Variants in ZNF516 observed in about 807,000 individuals in gnomAD.
The protein encoded by ZNF516 is zinc finger protein 516.
ZNF516 carries 19 observed loss-of-function variants against 79.7 expected under a neutral mutation model. The ratio of observed to expected loss-of-function variants is 0.24; its 90% confidence interval spans 0.17 to 0.35. The LOEUF is 0.35. ZNF516 is among the 10% of genes least tolerant of loss of function. ZNF516 has a pLI of 1.00. For synonymous variants in ZNF516, 877 were observed against 739.5 expected (o/e 1.19, Z -3.02); for missense variants, 1,678 against 1,679.5 (o/e 1.00, Z 0.02).
intron 6 of ZNF516, among the ~76,000 whole-genome samples, chr18:76,367,291 T>C (rs932973736): frequency 6.6e-6 from 1 of 152,062 alleles, no homozygotes; most frequent in African/African-American, 2.4e-5. Context: ...CCACCTTATC[T>C]CTCGCTGGGA....
intron 3 of ZNF516, among the ~76,000 whole-genome samples, chr18:76,425,553 C>T (rs972990334): frequency 5.3e-5 from 8 of 152,202 alleles, no homozygotes; most frequent in African/African-American, 1.7e-4. Context: ...AGATCACATG[C>T]CACTGACAGG....
chr18:76,419,384 C>G (rs552864943), intron 3 of ZNF516, among the ~76,000 whole-genome samples: 3 of 152,222 alleles, frequency 2.0e-5, no homozygotes, highest in Non-Finnish European at 4.4e-5. Flanking sequence ...ACCAAAATAT[C>G]GTTACCTATG....
chr18:76,451,416 C>T lies in ZNF516; in HGVS notation c.-157-8205G>A, dbSNP rs1326407549. On this transcript the variant is annotated intron_variant, in intron 2 of 6. Coordinates refer to ENST00000443185, the MANE Select transcript of ZNF516 (RefSeq NM_014643.4). This position sits in a 1 kb window ranked among gnomAD's most constrained non-coding sequence, Gnocchi z 6.0. The stretch of plus-strand genomic sequence containing the variant: ...CTGACAGGGCATTCCTCAGGAGGGG[C>T]TGGAGTGAACGGGAGGAATTGGGGA... Among the ~76,000 whole-genome samples, 2 of 152,134 alleles carry T rather than the reference C, an allele frequency of 1.3e-5. No individual in the cohort carries two copies. The highest frequency in any genetic ancestry group is 2.9e-5 in the Non-Finnish European group (2 of 68,028).
chr18:76,464,978 C>T (rs1033062223), intron 1 of ZNF516, among the ~76,000 whole-genome samples: 8 of 152,166 alleles, frequency 5.3e-5, no homozygotes, highest in South Asian at 2.1e-4. Context: ...GCCGTGCATC[C>T]GATGAGGGCA....
At chr18:76,489,539 C>A (rs1205569463) in intron 1 of ZNF516, among the ~76,000 whole-genome samples, 2 of 150,602 alleles carry the variant, frequency 1.3e-5, no homozygotes, top group African/African-American at 4.9e-5. Context: ...TTTCAAAGAC[C>A]TCTCTCATTC....
Position 76,480,531 on chromosome 18 carries a change from T to A in ZNF516, c.-272+14613A>T, listed in dbSNP as rs796873141. 1.9e-3 allele frequency among the ~76,000 whole-genome samples: 99 copies of A among 52,872 alleles called. 1 individual carries two copies. The highest frequency in any genetic ancestry group is 2.9e-3 in the Admixed American group (17 of 5,828). The allele number at this position is 52,872 out of a possible 152,430, so 34.7% of individuals were successfully genotyped here. On this transcript the variant is annotated intron_variant, in intron 1 of 6. Transcript: ENST00000443185. ...CACACACACACACACACACATATAT[T>A]TTTTTTTTTGAGACGGAGTCTTGCT...
At chr18:76,371,861 G>A (rs1467467703) in intron 4 of ZNF516, among the ~76,000 whole-genome samples, 1 of 152,220 alleles carries the variant, frequency 6.6e-6, no homozygotes, top group Admixed American at 6.5e-5. Flanking sequence ...GCAGCTCCGA[G>A]CAACTGCAGG....
intron 2 of ZNF516, among the ~76,000 whole-genome samples, chr18:76,447,552 G>C (rs1374060940): frequency 1.3e-5 from 2 of 152,206 alleles, no homozygotes; most frequent in Non-Finnish European, 2.9e-5. Flanking sequence ...TAAAACTTGT[G>C]CATGTGAGCC....
chr18:76,487,208 A>G (rs984081979), intron 1 of ZNF516, among the ~76,000 whole-genome samples: 2 of 152,208 alleles, frequency 1.3e-5, no homozygotes. Context: ...ATCGGAAAAC[A>G]TCTCAGGCTA....
At chr18:76,483,046 TAAGAA>T (rs756286401) in intron 1 of ZNF516, among the ~76,000 whole-genome samples, 3 of 152,180 alleles carry the variant, frequency 2.0e-5, no homozygotes, top group Non-Finnish European at 4.4e-5. Context: ...TTTTTCCTCT[TAAGAA>T]AAGAAATCTA....
intron 6 of ZNF516, among the ~76,000 whole-genome samples, chr18:76,365,417 A>C (rs1376138361): frequency 6.6e-6 from 1 of 152,080 alleles, no homozygotes. Context: ...ACAATGCAAC[A>C]AAAAAAATCA....
At chr18:76,407,439 G>T (rs926773062) in intron 3 of ZNF516, among the ~76,000 whole-genome samples, 3 of 152,066 alleles carry the variant, frequency 2.0e-5, no homozygotes, top group Non-Finnish European at 4.4e-5. Flanking sequence ...GAAGAGGGGG[G>T]GAGTGGAGAG....
chr18:76,414,434 A>ATGCCCTC (rs2075408373), intron 3 of ZNF516, among the ~76,000 whole-genome samples: 1 of 152,250 alleles, frequency 6.6e-6, no homozygotes, highest in Non-Finnish European at 1.5e-5. Flanking sequence ...CACAGAACAA[A>ATGCCCTC]TGCCCTCTGT....
chr18:76,488,608 C>A (rs1332523118), intron 1 of ZNF516, among the ~76,000 whole-genome samples: 1 of 152,044 alleles, frequency 6.6e-6, no homozygotes, highest in Non-Finnish European at 1.5e-5. Context: ...TATCCAAGCA[C>A]TAAAATGTAT....
intron 1 of ZNF516, among the ~76,000 whole-genome samples, chr18:76,472,582 C>T (rs1163319498): frequency 1.3e-5 from 2 of 152,228 alleles, no homozygotes; most frequent in South Asian, 2.1e-4. Context: ...ATGAAATTTC[C>T]TTAGCTCTCC....
In ZNF516 at chr18:76,359,702, A is replaced by T. The variant is rs960216440; in HGVS notation, c.*2796T>A. The T allele has an allele frequency of 1.3e-5, 2 of 152,130 alleles. No homozygotes were observed. The highest frequency in any genetic ancestry group is 4.8e-5 in the African/African-American group (2 of 41,402). 9.4% of individuals were successfully genotyped at this position (152,130 alleles called of 1,614,324 possible). A position where few individuals can be genotyped will look rare whatever the true frequency, so the allele number is the denominator to read the frequency against. ...CCAAACCCTTTATTGTCTAAGTTAC[A>T]TTAGACGCAACACTGTAAAAAATCC... On this transcript the variant is annotated 3_prime_UTR_variant, in exon 7 of 7. Coordinates refer to ENST00000443185, the MANE Select transcript of ZNF516 (RefSeq NM_014643.4).
intron 1 of ZNF516, among the ~76,000 whole-genome samples, chr18:76,481,018 T>G (rs954434230): frequency 2.6e-5 from 4 of 152,202 alleles, no homozygotes; most frequent in Admixed American, 1.3e-4. Flanking sequence ...AAACGTTTGC[T>G]GACCCCTGCC....
chr18:76,424,381 G>T (rs1175014526), intron 3 of ZNF516, among the ~76,000 whole-genome samples: 35 of 76,618 alleles, frequency 4.6e-4, no homozygotes, highest in African/African-American at 1.4e-3. Flanking sequence ...AGGTGAAAGG[G>T]TCCCCCCCGA....
At chr18:76,484,273 T>A (rs1473820860) in intron 1 of ZNF516, among the ~76,000 whole-genome samples, 1 of 152,236 alleles carries the variant, frequency 6.6e-6, no homozygotes. Flanking sequence ...TCAGTACCTG[T>A]AAAATGTCAG....
Sources: gnomAD v4.1 joint callset for allele counts (sites outside exome capture counted in the v4.1 genomes callset) on GRCh38, gnomAD v4.1.1 for gene constraint, Gnocchi (gnomAD v3.1) non-coding constraint, MANE v1.5 for transcripts, NCBI Gene and HGNC (gene_info 2026-07-23, HGNC 2026-07-21) for gene names.